Variants in ZC3H12B observed in about 807,000 individuals in gnomAD.
ZC3H12B encodes zinc finger CCCH-type containing 12B.
A neutral mutation model predicts 43.9 loss-of-function variants in ZC3H12B; 7 were observed. That is an observed-to-expected ratio of 0.16 (90% CI 0.09 to 0.30). ZC3H12B has a LOEUF of 0.30. Among genes scored for constraint, ZC3H12B ranks in the 10% least tolerant of loss-of-function variants. ZC3H12B has a pLI of 1.00. For synonymous variants in ZC3H12B, 222 were observed against 241.7 expected (o/e 0.92, Z 0.76); for missense variants, 475 against 670.2 (o/e 0.71, Z 3.22).
chrX:65,231,073 TAAAA>T, the ZC3H12B span, among the ~76,000 whole-genome samples: 6 of 110,903 alleles, frequency 5.4e-5, no homozygotes, highest in African/African-American at 1.6e-4. Context: ...GTCTGAGAAA[TAAAA>T]AGAAAGAGTA....
chrX:65,472,274 AT>A (rs2067925702), intron 3 of ZC3H12B, among the ~76,000 whole-genome samples: 2 of 111,703 alleles, frequency 1.8e-5, no homozygotes, highest in South Asian at 7.4e-4. Context: ...TTCTCAATAT[AT>A]TTTGGATGTT....
the ZC3H12B span, among the ~76,000 whole-genome samples, chrX:65,161,108 G>T: frequency 1.8e-5 from 2 of 111,337 alleles, no homozygotes; most frequent in African/African-American, 3.3e-5. Context: ...TAGTTTGATT[G>T]CACTGTGGTC....
chrX:65,104,052 T>C, the ZC3H12B span, among the ~76,000 whole-genome samples: 1 of 111,635 alleles, frequency 9.0e-6, no homozygotes, highest in Non-Finnish European at 1.9e-5. Context: ...AACAGCATGA[T>C]ACTGGTACCA....
chrX:65,209,366 C>G, the ZC3H12B span, among the ~76,000 whole-genome samples: 25 of 76,626 alleles, frequency 3.3e-4, no homozygotes, highest in African/African-American at 1.2e-3. Flanking sequence ...CCCACAGATT[C>G]TGGTATGTGG....
chrX:65,452,841 AAC>A (rs111853414), intron 3 of ZC3H12B, among the ~76,000 whole-genome samples: 1,109 of 91,679 alleles, frequency 0.012, 12 homozygotes, highest in African/African-American at 0.026. Flanking sequence ...ACTCCATCTA[AAC>A]ACACACACAC....
chrX:65,433,103 C>T (rs5964973), intron 3 of ZC3H12B, among the ~76,000 whole-genome samples: 16,169 of 112,267 alleles, frequency 0.14, 2,743 homozygotes, highest in African/African-American at 0.49. Context: ...TAGCTGCATA[C>T]CAGGTACCAG....
chrX:65,096,538 G>A, the ZC3H12B span, among the ~76,000 whole-genome samples: 2 of 111,847 alleles, frequency 1.8e-5, no homozygotes, highest in Admixed American at 1.9e-4. Context: ...CCTGTTAATA[G>A]ACTGGGTATT....
At chrX:65,410,339 A>C (rs2066889752) in intron 3 of ZC3H12B, among the ~76,000 whole-genome samples, 1 of 112,036 alleles carries the variant, frequency 8.9e-6, no homozygotes, top group African/African-American at 3.2e-5. Flanking sequence ...ACTTAAATAT[A>C]AGACCTCAAA....
intron 3 of ZC3H12B, among the ~76,000 whole-genome samples, chrX:65,448,396 T>C (rs781278408): frequency 3.6e-5 from 4 of 112,297 alleles, no homozygotes; most frequent in African/African-American, 1.3e-4. Context: ...ACAGGGTATC[T>C]ACCCCTTCTT....
the ZC3H12B span, among the ~76,000 whole-genome samples, chrX:65,182,052 C>T: frequency 8.9e-6 from 1 of 111,900 alleles, no homozygotes; most frequent in African/African-American, 3.2e-5. Context: ...CACATGTAAA[C>T]CATGGAATAC....
chrX:65,158,706 C>A, the ZC3H12B span, among the ~76,000 whole-genome samples: 1 of 111,324 alleles, frequency 9.0e-6, no homozygotes, highest in Non-Finnish European at 1.9e-5. Flanking sequence ...CGAAAATTTT[C>A]TCCCATTTTA....
chrX:65,048,148 A>G, the ZC3H12B span, among the ~76,000 whole-genome samples: 2 of 111,198 alleles, frequency 1.8e-5, no homozygotes, highest in Non-Finnish European at 3.8e-5. Context: ...ATAATGTAGT[A>G]TTTGTCCTTC....
At chrX:65,069,012 T>C in the ZC3H12B span, among the ~76,000 whole-genome samples, 1 of 109,608 alleles carries the variant, frequency 9.1e-6, no homozygotes, top group Admixed American at 9.9e-5. Context: ...TGGAGCTCCA[T>C]AGTATATTGT....
chrX:65,046,055 G>A, the ZC3H12B span, among the ~76,000 whole-genome samples: 1 of 111,373 alleles, frequency 9.0e-6, no homozygotes, highest in African/African-American at 3.3e-5. Flanking sequence ...TGTCCTCCAG[G>A]CTTTATTGTT....
chrX:65,154,829 C>G, the ZC3H12B span, among the ~76,000 whole-genome samples: 2 of 111,811 alleles, frequency 1.8e-5, no homozygotes, highest in African/African-American at 6.5e-5. Context: ...GGCAACAGAG[C>G]AAGACCCTGT....
chrX:65,068,342 G>T, the ZC3H12B span, among the ~76,000 whole-genome samples: 3 of 110,114 alleles, frequency 2.7e-5, no homozygotes, highest in African/African-American at 9.9e-5. Flanking sequence ...CTGGTGATAT[G>T]ATTTACTTTG....
At chrX:65,097,349 C>G in the ZC3H12B span, among the ~76,000 whole-genome samples, 1 of 111,737 alleles carries the variant, frequency 8.9e-6, no homozygotes, top group Admixed American at 9.6e-5. Flanking sequence ...AATTTCCTTT[C>G]TAGGTTATTC....
chrX:65,376,267 C>T (rs1046015602), intron 2 of ZC3H12B, among the ~76,000 whole-genome samples: 2 of 112,141 alleles, frequency 1.8e-5, no homozygotes, highest in Non-Finnish European at 3.8e-5. Context: ...TACAATAGCA[C>T]AGGTAGATTT....
the ZC3H12B span, among the ~76,000 whole-genome samples, chrX:65,157,653 G>A: frequency 2.7e-5 from 3 of 111,342 alleles, no homozygotes; most frequent in Non-Finnish European, 3.8e-5. Flanking sequence ...TGAACAAACT[G>A]TCTTTTACCT....
Sources: allele counts gnomAD v4.1 joint callset (sites outside exome capture counted in the v4.1 genomes callset), GRCh38; gene constraint gnomAD v4.1.1; transcripts MANE v1.5; gene names NCBI Gene and HGNC (gene_info 2026-07-23, HGNC 2026-07-21).